Variants in SLA observed in about 807,000 individuals in gnomAD.
SLA encodes Src like adaptor.
SLA carries 16 observed loss-of-function variants against 30.3 expected under a neutral mutation model. The observed-to-expected ratio is 0.53, with a 90% confidence interval of 0.36 to 0.80. SLA has a LOEUF of 0.80. SLA is among the 30% of genes least tolerant of loss of function. The pLI is 0.01. For missense variants in SLA, 310 were observed against 345.2 expected (o/e 0.90, Z 0.81); for synonymous variants, 143 against 137.8 (o/e 1.04, Z -0.26).
At chr8:133,073,667 GCAAACC>G (rs1844419936) in intron 2 of SLA, among the ~76,000 whole-genome samples, 3 of 152,160 alleles carry the variant, frequency 2.0e-5, no homozygotes, top group Non-Finnish European at 4.4e-5. Flanking sequence ...GCATCTCATA[GCAAACC>G]ACACAATGAC....
At chr8:133,094,854 G>A in intron 1 of SLA, 2 of 735,124 alleles carry the variant, frequency 2.7e-6, no homozygotes, top group Admixed American at 2.1e-5. Context: ...GACATCTTCA[G>A]TATCACACTG....
chr8:133,073,290 G>T (rs1247271584), intron 2 of SLA: 2 of 152,152 alleles, frequency 1.3e-5, no homozygotes, highest in East Asian at 3.8e-4. Context: ...ATTTCAATTT[G>T]TCTATTCCAT....
chr8:133,060,444 A>G, intron 2 of SLA: 1 of 1,351,916 alleles, frequency 7.4e-7, no homozygotes, highest in South Asian at 1.4e-5. Context: ...TGTTGGTGGC[A>G]AAAGTTTCCA....
At chr8:133,075,841 ACTTGGTGAGC>A (rs1338018766) in intron 1 of SLA, among the ~76,000 whole-genome samples, 1 of 152,120 alleles carries the variant, frequency 6.6e-6, no homozygotes, top group Non-Finnish European at 1.5e-5. Context: ...AAATGTTAAT[ACTTGGTGAGC>A]CTAGGTGAAG....
chr8:133,068,756 G>A (rs1052200261), intron 2 of SLA, among the ~76,000 whole-genome samples: 1 of 152,238 alleles, frequency 6.6e-6, no homozygotes, highest in South Asian at 2.1e-4. Flanking sequence ...CATTCCTGAC[G>A]TGGCTTTGAT....
intron 1 of SLA, among the ~76,000 whole-genome samples, chr8:133,079,414 C>T (rs111344852): frequency 1.3e-5 from 2 of 152,190 alleles, no homozygotes; most frequent in Admixed American, 6.5e-5. Flanking sequence ...AAATGTTCCC[C>T]TATGTAAAAA....
At chr8:133,100,551 A>C (rs1849080902) in intron 1 of SLA, among the ~76,000 whole-genome samples, 1 of 152,230 alleles carries the variant, frequency 6.6e-6, no homozygotes, top group South Asian at 2.1e-4. Flanking sequence ...TCTTCAATGA[A>C]ATAATTCACC....
At chr8:133,074,680 C>G (rs574787013) in intron 2 of SLA, among the ~76,000 whole-genome samples, 173 bp downstream of exon 2, 1 of 152,334 alleles carries the variant, frequency 6.6e-6, no homozygotes, top group African/African-American at 2.4e-5. Context: ...ACCCACTGAG[C>G]CACTGCAGTG....
chr8:133,039,953 GCACACA>G lies in SLA; in HGVS notation c.617+39_617+44del, dbSNP rs3835182. 1.8e-5 allele frequency: 26 copies of G among 1,434,296 alleles called. No individual in the cohort carries two copies. In the East Asian group the frequency reaches 4.3e-4, roughly 24 times the overall value. The allele number at this position is 1,434,296 out of a possible 1,614,324, so 88.8% of individuals were successfully genotyped here. A position where few individuals can be genotyped will look rare whatever the true frequency, so the allele number is the denominator to read the frequency against. ...TCACATGTTCACAGAGCACTTGCAT[GCACACA>G]CACACACACACACACACACATACAC... On this transcript the variant is annotated intron_variant, in intron 8 of 8. Transcript: ENST00000338087.
chr8:133,045,213 C>A, intron 6 of SLA, 98 bp from the exon 7 acceptor site: 2 of 1,271,118 alleles, frequency 1.6e-6, no homozygotes, highest in Middle Eastern at 2.3e-4. Context: ...GAGACCTGCC[C>A]ACCCTTGGGA....
At chr8:133,084,808 G>C (rs1846279427) in intron 1 of SLA, among the ~76,000 whole-genome samples, 1 of 152,230 alleles carries the variant, frequency 6.6e-6, no homozygotes, top group African/African-American at 2.4e-5. Flanking sequence ...AAGGGGGACA[G>C]TTCTACAGCT....
At chr8:133,080,700 G>T (rs1324847069) in intron 1 of SLA, among the ~76,000 whole-genome samples, 1 of 152,086 alleles carries the variant, frequency 6.6e-6, no homozygotes, top group Non-Finnish European at 1.5e-5. Flanking sequence ...AGCACTCAAG[G>T]CCTCCATGCC....
intron 1 of SLA, among the ~76,000 whole-genome samples, chr8:133,099,509 A>G (rs1004207293): frequency 6.6e-6 from 1 of 152,124 alleles, no homozygotes; most frequent in Admixed American, 6.5e-5. Context: ...TTCCTCCTGG[A>G]CTTTTCCCTT....
chr8:133,086,360 T>G (rs1846561316), intron 1 of SLA, among the ~76,000 whole-genome samples: 1 of 152,224 alleles, frequency 6.6e-6, no homozygotes, highest in Non-Finnish European at 1.5e-5. Context: ...GTGAATTATA[T>G]CACAATAATA....
chr8:133,066,909 C>A (rs1843112938), intron 2 of SLA, among the ~76,000 whole-genome samples: 1 of 152,298 alleles, frequency 6.6e-6, no homozygotes, highest in Non-Finnish European at 1.5e-5. Flanking sequence ...CAAGCTTGAG[C>A]AAGTACCTTC....
intron 2 of SLA, among the ~76,000 whole-genome samples, chr8:133,066,540 T>C (rs1843068740): frequency 6.6e-6 from 1 of 152,200 alleles, no homozygotes; most frequent in African/African-American, 2.4e-5. Context: ...AATTTCTTAT[T>C]TACTTACACA....
intron 8 of SLA, among the ~76,000 whole-genome samples, chr8:133,039,171 G>A (rs576761799): frequency 1.1e-4 from 17 of 152,252 alleles, no homozygotes; most frequent in African/African-American, 2.2e-4. Flanking sequence ...GAGCCACCGC[G>A]CCTGGCCCTA....
At chr8:133,038,788 A>G (rs1837579217) in intron 8 of SLA, 51 bp from the exon 9 acceptor site, 3 of 1,292,228 alleles carry the variant, frequency 2.3e-6, no homozygotes, top group Non-Finnish European at 2.2e-6. Context: ...AGAGAGTCAT[A>G]GAGAGAGGAG....
chr8:133,054,423 G>T (rs577742357), intron 3 of SLA, among the ~76,000 whole-genome samples: 16 of 152,268 alleles, frequency 1.1e-4, no homozygotes, highest in African/African-American at 3.6e-4. Flanking sequence ...GATGCGATTT[G>T]GGGGGAGATT....
Sources: gnomAD v4.1 joint callset for allele counts (sites outside exome capture counted in the v4.1 genomes callset) on GRCh38, gnomAD v4.1.1 for gene constraint, MANE v1.5 for transcripts, NCBI Gene and HGNC (gene_info 2026-07-23, HGNC 2026-07-21) for gene names.